Variants in PTPN13 observed in about 807,000 individuals in gnomAD.
The protein encoded by PTPN13 is tyrosine-protein phosphatase non-receptor type 13.
A neutral mutation model predicts 284.0 loss-of-function variants in PTPN13; 191 were observed. That is an observed-to-expected ratio of 0.67 (90% CI 0.60 to 0.76). The LOEUF (loss-of-function observed/expected upper bound fraction) is 0.76, where lower values mean the gene tolerates loss of function less well. Ranked by LOEUF, PTPN13 falls within the 30% of genes least tolerant of loss-of-function variation. PTPN13 has a pLI of 0.00. For synonymous variants in PTPN13, 986 were observed against 1,022.3 expected, an observed-to-expected ratio of 0.96 and a Z score of 0.68; for missense variants, 2,797 against 2,939.9, an observed-to-expected ratio of 0.95 and a Z score of 1.12.
intron 45 of PTPN13, among the ~76,000 whole-genome samples, chr4:86,808,262 T>C (rs1427426796): frequency 1.3e-5 from 2 of 152,330 alleles, no homozygotes; most frequent in Non-Finnish European, 2.9e-5. Context: ...ACTTTTAAAA[T>C]CTTTAAGTAG....
At chr4:86,658,350 A>T (rs781738099) in intron 2 of PTPN13, among the ~76,000 whole-genome samples, 5 of 152,148 alleles carry the variant, frequency 3.3e-5, no homozygotes, top group Admixed American at 6.5e-5. Flanking sequence ...TGTCTCTCCT[A>T]CATTCTTGAA....
intron 1 of PTPN13, among the ~76,000 whole-genome samples, chr4:86,618,561 A>G (rs938085431): frequency 2.6e-5 from 4 of 152,214 alleles, no homozygotes; most frequent in Middle Eastern, 3.2e-3. Flanking sequence ...ACCCATGAGC[A>G]TAGACTGTTC....
At chr4:86,737,775 G>C (rs1157350962) in intron 15 of PTPN13, among the ~76,000 whole-genome samples, 1 of 152,040 alleles carries the variant, frequency 6.6e-6, no homozygotes, top group African/African-American at 2.4e-5. Flanking sequence ...CTGTTGCCAG[G>C]TAGGAGTGCA....
chr4:86,708,509 TG>T (rs1418546952), intron 7 of PTPN13, among the ~76,000 whole-genome samples: 1 of 152,092 alleles, frequency 6.6e-6, no homozygotes, highest in African/African-American at 2.4e-5. Flanking sequence ...AGAAATAATA[TG>T]TTCCTTTATT....
chr4:86,646,654 T>A (rs1724462212), intron 2 of PTPN13, among the ~76,000 whole-genome samples: 1 of 152,244 alleles, frequency 6.6e-6, no homozygotes, highest in African/African-American at 2.4e-5. Context: ...CAGCTTTACA[T>A]TTGGGAAACT....
intron 23 of PTPN13, among the ~76,000 whole-genome samples, chr4:86,759,622 G>A (rs1405351865): frequency 1.3e-5 from 2 of 152,272 alleles, no homozygotes; most frequent in Non-Finnish European, 1.5e-5. Context: ...GGCCCCTGTG[G>A]CGTAGAACAG....
intron 1 of PTPN13, among the ~76,000 whole-genome samples, chr4:86,627,630 C>T (rs1721989736): frequency 6.6e-6 from 1 of 151,990 alleles, no homozygotes; most frequent in Non-Finnish European, 1.5e-5. Flanking sequence ...ATCATCACCA[C>T]AATCAGAATA....
At chr4:86,682,815 A>G (rs1729044974) in intron 3 of PTPN13, among the ~76,000 whole-genome samples, 1 of 152,198 alleles carries the variant, frequency 6.6e-6, no homozygotes, top group African/African-American at 2.4e-5. Flanking sequence ...AAGTGTATGG[A>G]AGCATCATGC....
At chr4:86,737,473 A>G (rs921269257) in intron 15 of PTPN13, among the ~76,000 whole-genome samples, 1 of 152,056 alleles carries the variant, frequency 6.6e-6, no homozygotes, top group African/African-American at 2.4e-5. Flanking sequence ...AGTCATAACA[A>G]TAAAGATCAT....
chr4:86,631,219 A>T (rs187386301), intron 1 of PTPN13, among the ~76,000 whole-genome samples: 478 of 152,268 alleles, frequency 3.1e-3, no homozygotes, highest in Non-Finnish European at 4.9e-3. Flanking sequence ...GCTTTAAAAA[A>T]TTTTTGTAAC....
Position 86,722,351 on chromosome 4 carries a change from A to G in PTPN13, c.1525A>G (p.Ile509Val). 3.7e-6 allele frequency: 6 copies of G among 1,613,850 alleles called. No homozygotes were observed. The highest frequency in any genetic ancestry group is 5.1e-6 in the Non-Finnish European group (6 of 1,179,846). Residue 509 changes from isoleucine to valine, a missense_variant, in exon 10 of 48, where the codon ATC (isoleucine) becomes GTC (valine). Physicochemically the swap from Ile to Val is conservative, Grantham distance 29. Transcript: ENST00000411767. Reference protein sequence around the residue: ...SRLSLYPGDTIKASMLDITRD... With the variant: ...SRLSLYPGDTVKASMLDITRD... The stretch of plus-strand genomic sequence containing the variant: ...GTTGAGCCTATATCCAGGAGACACA[A>G]TCAAAGCGTCCATGCTTGACATCAC...
chr4:86,701,467 C>T lies in PTPN13; in HGVS notation c.861C>T (p.Ile287=), dbSNP rs759125126. ...CTAGTGGCCCAGAAAAAAAACCCAT[C>T]CCTGGCATTGATGTGCTTTCTAAGA... ...FKTSGPEKKP[I]PGIDVLSKKK... Residue 287 remains isoleucine (I), a synonymous_variant, in exon 7 of 48, where the codon ATC becomes ATT. Coordinates refer to ENST00000411767, the MANE Select transcript of PTPN13 (RefSeq NM_080683.3). The T allele has an allele frequency of 2.9e-5, 46 of 1,613,750 alleles. No individual in the cohort carries two copies. Among genetic ancestry groups the T allele is most frequent in the Middle Eastern group, 1.6e-4 (1 of 6,084 alleles).
intron 6 of PTPN13, among the ~76,000 whole-genome samples, chr4:86,697,639 G>A (rs781502740): frequency 2.6e-5 from 4 of 152,104 alleles, no homozygotes; most frequent in Admixed American, 2.0e-4. Context: ...AGATCAACAT[G>A]GTGGTGCTTT....
intron 2 of PTPN13, among the ~76,000 whole-genome samples, chr4:86,649,289 A>G (rs572915307): frequency 1.2e-4 from 19 of 152,156 alleles, no homozygotes; most frequent in Non-Finnish European, 2.2e-4. Flanking sequence ...ATCTTATGCA[A>G]GAAATCTTTG....
chr4:86,603,145 T>G (rs1764454003), intron 1 of PTPN13, among the ~76,000 whole-genome samples: 1 of 152,162 alleles, frequency 6.6e-6, no homozygotes, highest in Non-Finnish European at 1.5e-5. Context: ...TTTTTCATGT[T>G]TTAGAAAGGT....
chr4:86,621,313 T>C (rs955663108), intron 1 of PTPN13, among the ~76,000 whole-genome samples: 1 of 152,228 alleles, frequency 6.6e-6, no homozygotes, highest in African/African-American at 2.4e-5. Flanking sequence ...ATTTAGACTT[T>C]ACCGTATAAA....
At chr4:86,642,442 TCTTCTTC>T (rs1452112358) in intron 2 of PTPN13, among the ~76,000 whole-genome samples, 1 of 93,834 alleles carries the variant, frequency 1.1e-5, no homozygotes, top group Non-Finnish European at 1.9e-5. Flanking sequence ...TTCTTCTTCT[TCTTCTTC>T]TTTTTTTTTT....
At position 86,732,649 on chromosome 4, in the gene PTPN13, G is replaced by A. The variant is rs370408640; in HGVS notation, c.1741G>A (p.Gly581Arg). The A allele has an allele frequency of 7.8e-5, 126 of 1,613,350 alleles. No homozygotes were observed. Among genetic ancestry groups the A allele is most frequent in the Middle Eastern group, 3.3e-4 (2 of 6,076 alleles). Residue 581 changes from glycine to arginine, a missense_variant, in exon 12 of 48, where the codon GGG becomes AGG. By Grantham distance (125) the Gly-to-Arg change is moderately radical. Coordinates refer to ENST00000411767, the MANE Select transcript of PTPN13 (RefSeq NM_080683.3). ...GAAAGTAAACATAATGCTTCTGAAC[G>A]GGCAAAGACTGGAACTGACCTGTGA... ...RRKVNIMLLN[G>R]QRLELTCDTK...
chr4:86,751,923 ATGTG>A (rs3035339), intron 19 of PTPN13, among the ~76,000 whole-genome samples: 3 of 149,072 alleles, frequency 2.0e-5, no homozygotes, highest in Non-Finnish European at 4.5e-5. Context: ...AATTGTATGT[ATGTG>A]TGTGTGTGTG....
Sources: allele counts gnomAD v4.1 joint callset (sites outside exome capture counted in the v4.1 genomes callset), GRCh38; gene constraint gnomAD v4.1.1; transcripts MANE v1.5; gene names NCBI Gene and HGNC (gene_info 2026-07-23, HGNC 2026-07-21).